TTC28: variants seen among roughly 807,000 people sequenced by gnomAD.
The protein encoded by TTC28 is tetratricopeptide repeat protein 28.
In TTC28, 61 loss-of-function variants were observed where a neutral mutation model predicts 198.0. The ratio of observed to expected loss-of-function variants is 0.31; its 90% confidence interval spans 0.25 to 0.38. The LOEUF is 0.38. Ranked by LOEUF, TTC28 falls within the 10% of genes least tolerant of loss-of-function variation. The pLI, the probability that TTC28 is intolerant of heterozygous loss-of-function variation, is 1.00. For missense variants in TTC28, 2,678 were observed against 3,164.0 expected, an observed-to-expected ratio of 0.85 and a Z score of 3.69; for synonymous variants, 1,171 against 1,297.8, an observed-to-expected ratio of 0.90 and a Z score of 2.10.
intron 6 of TTC28, among the ~76,000 whole-genome samples, chr22:28,160,769 C>G (rs1259871969): frequency 6.6e-6 from 1 of 152,152 alleles, no homozygotes; most frequent in Non-Finnish European, 1.5e-5. Flanking sequence ...CCTCCTTTTT[C>G]TATTTTATAC....
intron 2 of TTC28, among the ~76,000 whole-genome samples, chr22:28,310,116 G>T (rs937131615): frequency 1.0e-4 from 15 of 147,634 alleles, no homozygotes; most frequent in Non-Finnish European, 3.0e-5. Flanking sequence ...AATCAACAGT[G>T]CCAGGCACTG....
At chr22:28,018,312 G>T (rs1401600986) in intron 13 of TTC28, among the ~76,000 whole-genome samples, 10 of 147,220 alleles carry the variant, frequency 6.8e-5, no homozygotes, top group African/African-American at 2.0e-4. Flanking sequence ...CGCGCGGGGG[G>T]GGGGGCGGGG....
At chr22:28,362,793 T>A (rs1312739696) in intron 2 of TTC28, among the ~76,000 whole-genome samples, 1 of 152,112 alleles carries the variant, frequency 6.6e-6, no homozygotes, top group Non-Finnish European at 1.5e-5. Flanking sequence ...GCCCTAGAGA[T>A]TTGTGGAACT....
intron 5 of TTC28, among the ~76,000 whole-genome samples, chr22:28,232,298 A>C (rs1337083320): frequency 6.6e-6 from 1 of 152,230 alleles, no homozygotes; most frequent in Non-Finnish European, 1.5e-5. Context: ...TACTTTCAGG[A>C]ATTTAATAAA....
chr22:28,167,506 G>T (rs898868935), intron 5 of TTC28, among the ~76,000 whole-genome samples: 1 of 152,220 alleles, frequency 6.6e-6, no homozygotes, highest in Non-Finnish European at 1.5e-5. Context: ...GCGATGCAAG[G>T]CTGGTTCAAC....
rs1160316196 is a variant in TTC28, at chr22:28,387,384, C to G, written c.382-80741G>C. ...AGTAATGGGATGGCTGGGTCAAATG[C>G]TATTTCTAGTTCTAGTTCCCTGAGG... On this transcript the variant is annotated intron_variant, in intron 2 of 22. Transcript: ENST00000397906. Among the ~76,000 whole-genome samples, 17 of 152,166 alleles carry G rather than the reference C, an allele frequency of 1.1e-4. 1 individual carries two copies. The highest frequency in any genetic ancestry group is 2.2e-4 in the African/African-American group (9 of 41,444).
chr22:28,267,287 A>G (rs1225587857), intron 5 of TTC28, among the ~76,000 whole-genome samples: 1 of 152,208 alleles, frequency 6.6e-6, no homozygotes, highest in Non-Finnish European at 1.5e-5. Flanking sequence ...GAACAGTTGG[A>G]TTTCTATTCC....
intron 2 of TTC28, among the ~76,000 whole-genome samples, chr22:28,345,240 G>C (rs974733155): frequency 3.9e-5 from 6 of 152,050 alleles, no homozygotes; most frequent in Non-Finnish European, 7.4e-5. Flanking sequence ...AACCACAAAG[G>C]AATATGTCAT....
intron 2 of TTC28, among the ~76,000 whole-genome samples, chr22:28,402,117 T>G (rs1012940937): frequency 2.0e-5 from 3 of 152,238 alleles, no homozygotes; most frequent in African/African-American, 7.2e-5. Flanking sequence ...GACTGAAGTC[T>G]TCTCTTTAAT....
chr22:28,621,742 T>TAAAAAAAAAAAA (rs771463983), intron 2 of TTC28, among the ~76,000 whole-genome samples: 1 of 76,104 alleles, frequency 1.3e-5, no homozygotes, highest in Non-Finnish European at 2.6e-5. Flanking sequence ...GACTGTCTCT[T>TAAAAAAAAAAAA]AAAAAAAAAA....
chr22:28,204,634 T>C (rs1926246418), intron 5 of TTC28, among the ~76,000 whole-genome samples: 1 of 151,996 alleles, frequency 6.6e-6, no homozygotes, highest in Non-Finnish European at 1.5e-5. Flanking sequence ...ACATAATGAT[T>C]AAGTAAATCA....
intron 12 of TTC28, among the ~76,000 whole-genome samples, chr22:28,064,605 A>T (rs1940682226): frequency 6.6e-6 from 1 of 152,096 alleles, no homozygotes; most frequent in Admixed American, 6.6e-5. Flanking sequence ...ACTCCATAAA[A>T]TATCATATAT....
At chr22:28,013,244 T>C (rs1938228576) in intron 14 of TTC28, among the ~76,000 whole-genome samples, 1 of 152,232 alleles carries the variant, frequency 6.6e-6, no homozygotes, top group Non-Finnish European at 1.5e-5. Flanking sequence ...ATCTCCCACC[T>C]GGCTGCAGAC....
chr22:28,614,046 C>T lies in TTC28; in HGVS notation c.381+15506G>A, dbSNP rs569746874. Reference sequence around the variant, plus strand: ...ACATGATTGTATATTTAGAAAACCCCATCATCTTAGCCCATAATCTCCTTA... The same window carrying T: ...ACATGATTGTATATTTAGAAAACCCTATCATCTTAGCCCATAATCTCCTTA... On this transcript the variant is annotated intron_variant, in intron 2 of 22. Transcript: ENST00000397906. 8.3e-4 allele frequency among the ~76,000 whole-genome samples: 126 copies of T among 152,276 alleles called. 1 individual carries two copies. The highest frequency in any genetic ancestry group is 2.8e-3 in the African/African-American group (118 of 41,550).
chr22:28,239,259 A>C (rs1025793063), intron 5 of TTC28, among the ~76,000 whole-genome samples: 6 of 152,110 alleles, frequency 3.9e-5, no homozygotes, highest in Non-Finnish European at 2.9e-5. Flanking sequence ...ATATTCTACA[A>C]TCTTCTTTGT....
intron 12 of TTC28, among the ~76,000 whole-genome samples, chr22:28,046,633 A>G (rs955124805): frequency 9.9e-5 from 15 of 152,222 alleles, no homozygotes; most frequent in Non-Finnish European, 1.9e-4. Context: ...GCACTACTAC[A>G]ACTGTGTACA....
chr22:28,261,412 C>T (rs1417681417), intron 5 of TTC28, among the ~76,000 whole-genome samples: 2 of 151,978 alleles, frequency 1.3e-5, no homozygotes, highest in Non-Finnish European at 2.9e-5. Context: ...TGGTGGAAGT[C>T]GCAGGAGAGG....
chr22:28,156,407 C>G (rs62237572), intron 6 of TTC28, among the ~76,000 whole-genome samples: 14,458 of 152,268 alleles, frequency 0.095, 943 homozygotes, highest in Non-Finnish European at 0.15. Flanking sequence ...GAAAAAGGAA[C>G]TAGCACTGTC....
At chr22:28,114,873 A>C (rs1350537880) in intron 6 of TTC28, among the ~76,000 whole-genome samples, 1 of 152,210 alleles carries the variant, frequency 6.6e-6, no homozygotes, top group East Asian at 1.9e-4. Context: ...GGGGTAAGCC[A>C]ACATGTCAGG....
Sources: gnomAD v4.1 joint callset for allele counts (sites outside exome capture counted in the v4.1 genomes callset) on GRCh38, gnomAD v4.1.1 for gene constraint, MANE v1.5 for transcripts, NCBI Gene and HGNC (gene_info 2026-07-23, HGNC 2026-07-21) for gene names.